The following CDH13 variants were observed in gnomAD, a reference collection of about 807,000 sequenced individuals.
CDH13 encodes the protein cadherin 13.
In CDH13, 24 loss-of-function variants were observed where a neutral mutation model predicts 63.8. The observed-to-expected ratio is 0.38, with a 90% CI of 0.27 to 0.53. The LOEUF is 0.53. CDH13 is among the 20% of genes least tolerant of loss of function. The pLI is 0.85. For synonymous variants in CDH13, 503 were observed against 355.3 expected (o/e 1.42, Z -4.67); for missense variants, 1,049 against 903.1 (o/e 1.16, Z -2.07).
chr16:83,250,089 C>A lies in CDH13; in HGVS notation c.636+32592C>A, dbSNP rs571046900. 1.1e-3 allele frequency among the ~76,000 whole-genome samples: 175 copies of A among 152,186 alleles called. 1 individual carries two copies. The highest frequency in any genetic ancestry group is 4.0e-3 in the African/African-American group (166 of 41,534). On this transcript the variant is annotated intron_variant, in intron 5 of 13. Coordinates refer to ENST00000567109, the MANE Select transcript of CDH13 (RefSeq NM_001257.5). ...AGTTGCAAATCCTTTAGCCAAATGACCATACCCATGGGTGTCAGAGCAACA... is the reference window on the plus strand; with the variant it reads ...AGTTGCAAATCCTTTAGCCAAATGAACATACCCATGGGTGTCAGAGCAACA...
At chr16:83,382,438 T>G (rs1219018242) in intron 6 of CDH13, among the ~76,000 whole-genome samples, 1 of 152,166 alleles carries the variant, frequency 6.6e-6, no homozygotes, top group East Asian at 1.9e-4. Flanking sequence ...TACCCCCTCA[T>G]GCTGATCCCC....
chr16:83,176,120 G>A (rs1029493468), intron 4 of CDH13, among the ~76,000 whole-genome samples: 14 of 150,288 alleles, frequency 9.3e-5, no homozygotes, highest in East Asian at 3.9e-4. Context: ...AGAGTGCTGG[G>A]ATTACAGGCG....
chr16:83,737,099 C>T (rs1397378406), intron 10 of CDH13, among the ~76,000 whole-genome samples: 1 of 152,198 alleles, frequency 6.6e-6, no homozygotes, highest in African/African-American at 2.4e-5. Flanking sequence ...TCTGCAGGCA[C>T]GCTGGTAATT....
chr16:82,924,131 C>T (rs563227602), intron 2 of CDH13, among the ~76,000 whole-genome samples: 1 of 152,070 alleles, frequency 6.6e-6, no homozygotes, highest in African/African-American at 2.4e-5. Context: ...TTTCCTTTTC[C>T]CTGTTTCATA....
intron 6 of CDH13, among the ~76,000 whole-genome samples, chr16:83,363,681 C>T (rs907256392): frequency 2.6e-5 from 4 of 152,142 alleles, no homozygotes; most frequent in Non-Finnish European, 1.5e-5. Context: ...GATGTCACAC[C>T]AGAGAATCTG....
chr16:83,434,657 C>G (rs1454628005), intron 6 of CDH13, among the ~76,000 whole-genome samples: 2 of 151,876 alleles, frequency 1.3e-5, no homozygotes, highest in African/African-American at 4.8e-5. Context: ...AGCCCTTCCT[C>G]TTATCCCTGT....
intron 2 of CDH13, among the ~76,000 whole-genome samples, chr16:82,868,600 A>G (rs2040235284): frequency 6.6e-6 from 1 of 152,192 alleles, no homozygotes; most frequent in South Asian, 2.1e-4. Context: ...AGGAACATGA[A>G]CACAGGTGGA....
At chr16:82,770,935 T>C (rs1295861801) in intron 1 of CDH13, among the ~76,000 whole-genome samples, 1 of 152,186 alleles carries the variant, frequency 6.6e-6, no homozygotes, top group Non-Finnish European at 1.5e-5. Flanking sequence ...CTTGAACTAC[T>C]AAGCTCTGAG....
At chr16:82,762,803 G>A (rs1219818950) in intron 1 of CDH13, among the ~76,000 whole-genome samples, 1 of 152,220 alleles carries the variant, frequency 6.6e-6, no homozygotes, top group Non-Finnish European at 1.5e-5. Flanking sequence ...GTTTGGAAAT[G>A]TCTTTCTCAT....
intron 2 of CDH13, among the ~76,000 whole-genome samples, chr16:83,000,815 A>G (rs1274744517): frequency 1.3e-5 from 2 of 151,930 alleles, no homozygotes; most frequent in African/African-American, 2.4e-5. Flanking sequence ...TCCTGCCCGC[A>G]TGATCCGCCC....
At chr16:83,352,861 G>A (rs1444933844) in intron 6 of CDH13, among the ~76,000 whole-genome samples, 1 of 152,220 alleles carries the variant, frequency 6.6e-6, no homozygotes, top group Non-Finnish European at 1.5e-5. Flanking sequence ...CTGCACTCCA[G>A]CCTGGGCGAT....
intron 4 of CDH13, among the ~76,000 whole-genome samples, chr16:83,146,408 A>T (rs1301996990): frequency 6.6e-6 from 1 of 152,178 alleles, no homozygotes; most frequent in African/African-American, 2.4e-5. Context: ...AAAGTTTACC[A>T]GTGCAGCCAT....
intron 1 of CDH13, among the ~76,000 whole-genome samples, chr16:82,830,638 C>T (rs1411692060): frequency 2.6e-5 from 4 of 152,210 alleles, no homozygotes; most frequent in Non-Finnish European, 4.4e-5. Context: ...TTCTTACCTG[C>T]TCAGTGTCTT....
chr16:82,959,118 T>C (rs1906570184), intron 2 of CDH13, among the ~76,000 whole-genome samples: 1 of 152,238 alleles, frequency 6.6e-6, no homozygotes, highest in African/African-American at 2.4e-5. Flanking sequence ...AATAATTATC[T>C]TTCACAGTTA....
At chr16:83,345,138 T>A in intron 6 of CDH13, 132 bp downstream of exon 6, 1 of 986,498 alleles carries the variant, frequency 1.0e-6, no homozygotes. Flanking sequence ...AATACTTCCC[T>A]GCGTAGAAGC....
Position 82,785,231 on chromosome 16 carries a change from A to G in CDH13, c.46-73131A>G, listed in dbSNP as rs139587483. 2.0e-3 allele frequency among the ~76,000 whole-genome samples: 310 copies of G among 152,304 alleles called. 1 individual carries two copies. Among genetic ancestry groups the G allele is most frequent in the African/African-American group, 6.3e-3 (262 of 41,570 alleles). On this transcript the variant is annotated intron_variant, in intron 1 of 13. Coordinates refer to ENST00000567109, the MANE Select transcript of CDH13 (RefSeq NM_001257.5). ...AGACATGAGACTCTCTTATGTCTAA[A>G]TGTCTAACATGGGTTGGAAAGGCTG...
intron 11 of CDH13, among the ~76,000 whole-genome samples, chr16:83,768,054 G>T (rs1303870508): frequency 1.3e-5 from 2 of 152,150 alleles, no homozygotes; most frequent in East Asian, 3.9e-4. Flanking sequence ...CATGTTCATG[G>T]TTATTGTAAA....
intron 2 of CDH13, among the ~76,000 whole-genome samples, chr16:82,875,800 A>G (rs1443376538): frequency 2.0e-5 from 3 of 152,216 alleles, no homozygotes. Context: ...TGTTAGAATA[A>G]GTTTGCTAGG....
At chr16:83,786,750 G>C (rs151031113) in intron 13 of CDH13, among the ~76,000 whole-genome samples, 1 of 151,958 alleles carries the variant, frequency 6.6e-6, no homozygotes, top group Non-Finnish European at 1.5e-5. Flanking sequence ...ACCATGCCCG[G>C]CTAATTTTTG....
Sources: allele counts gnomAD v4.1 joint callset (sites outside exome capture counted in the v4.1 genomes callset), GRCh38; gene constraint gnomAD v4.1.1; transcripts MANE v1.5; gene names NCBI Gene and HGNC (gene_info 2026-07-23, HGNC 2026-07-21).